Variants in MGA observed in about 807,000 individuals in gnomAD.
MGA encodes the protein MAX dimerization protein MGA.
In MGA, 40 loss-of-function variants were observed where a neutral mutation model predicts 261.1. That is an observed-to-expected ratio of 0.15 (90% confidence interval 0.12 to 0.20). The LOEUF is 0.20. Ranked by LOEUF, MGA falls within the 10% of genes least tolerant of loss-of-function variation. The pLI, the probability that MGA is intolerant of heterozygous loss-of-function variation, is 1.00. For missense variants in MGA, 3,397 were observed against 3,630.5 expected (o/e 0.94, Z 1.65); for synonymous variants, 1,302 against 1,290.6 (o/e 1.01, Z -0.19).
intron 17 of MGA, among the ~76,000 whole-genome samples, chr15:41,752,946 T>C (rs1006190905): frequency 1.3e-5 from 2 of 152,202 alleles, no homozygotes; most frequent in African/African-American, 2.4e-5. Context: ...ACTTTTTTTT[T>C]AAAGGTCATA....
rs1190995614 is a variant in MGA, at chr15:41,750,331, G to C, written c.6724G>C (p.Asp2242His). The change falls in exon 17 of 24, where the codon GAT (aspartate) becomes CAT (histidine). Residue 2242 changes from aspartate to histidine, a missense_variant. This residue lies in a region of MGA where 1,410 missense variants were observed against 1,386.4 expected (regional missense o/e 1.02). Coordinates refer to ENST00000219905, the MANE Select transcript of MGA (RefSeq NM_001164273.2). ...TGCCAGAGTTTTGAAAACTGAATGT[G>C]ATTCTTGGAGTAGGATTTCTAATCC... 1.2e-6 allele frequency: 2 copies of C among 1,614,022 alleles called. No individual in the cohort carries two copies. The highest frequency in any genetic ancestry group is 4.5e-5 in the East Asian group (2 of 44,886).
chr15:41,766,100 A>C lies in MGA; in HGVS notation c.8018A>C (p.His2673Pro), dbSNP rs1415924582. 1.2e-6 allele frequency: 2 copies of C among 1,614,030 alleles called. No individual in the cohort carries two copies. Among genetic ancestry groups the C allele is most frequent in the South Asian group, 2.2e-5 (2 of 91,082 alleles). ...GATATGGGTGGCAGCAAATATCCTC[A>C]TGAAGTTCCTGATAGCAAGCCATCT... The change falls in exon 24 of 24, where the codon CAT becomes CCT. Residue 2673 changes from histidine to proline, a missense_variant. Physicochemically the swap from His to Pro is moderately conservative, Grantham distance 77. This residue lies in a region of MGA where 647 missense variants were observed against 642.4 expected (regional missense o/e 1.01). Coordinates refer to ENST00000219905, the MANE Select transcript of MGA (RefSeq NM_001164273.2).
intron 2 of MGA, among the ~76,000 whole-genome samples, chr15:41,676,108 A>G (rs1375358048): frequency 6.6e-6 from 1 of 152,106 alleles, no homozygotes; most frequent in African/African-American, 2.4e-5. Context: ...TCTGGCACAT[A>G]TATTTTTCTC....
chr15:41,706,283 T>A, intron 5 of MGA, among the ~76,000 whole-genome samples: 1 of 149,844 alleles, frequency 6.7e-6, no homozygotes, highest in African/African-American at 2.4e-5. Flanking sequence ...ACAATAAAGA[T>A]ATGTTAAAGA....
chr15:41,626,875 A>T (rs1820009304), intron 1 of MGA, among the ~76,000 whole-genome samples: 1 of 152,052 alleles, frequency 6.6e-6, no homozygotes, highest in Admixed American at 6.6e-5. Context: ...AATTTATTTT[A>T]GTTTTTGAGA....
At chr15:41,673,120 T>C (rs1357531545) in intron 2 of MGA, among the ~76,000 whole-genome samples, 1 of 152,240 alleles carries the variant, frequency 6.6e-6, no homozygotes, top group Non-Finnish European at 1.5e-5. Context: ...CTTTCAGTTA[T>C]TCTTACTGAC....
At chr15:41,665,548 T>C (rs2057683116) in intron 1 of MGA, among the ~76,000 whole-genome samples, 1 of 151,948 alleles carries the variant, frequency 6.6e-6, no homozygotes, top group African/African-American at 2.4e-5. Flanking sequence ...TACACACCAT[T>C]GTAGAGATGG....
chr15:41,705,076 T>C (rs1197607121), intron 5 of MGA, among the ~76,000 whole-genome samples: 1 of 152,238 alleles, frequency 6.6e-6, no homozygotes, highest in Admixed American at 6.5e-5. Flanking sequence ...ATATGCTTTC[T>C]ATGAATTATT....
intron 22 of MGA, among the ~76,000 whole-genome samples, chr15:41,762,573 A>G (rs1367521079): frequency 7.1e-6 from 1 of 140,546 alleles, no homozygotes; most frequent in Non-Finnish European, 1.5e-5. Flanking sequence ...GGTTCAAGCG[A>G]TTATCTGCTT....
chr15:41,624,252 T>A (rs1035895084), intron 1 of MGA, among the ~76,000 whole-genome samples: 18 of 151,068 alleles, frequency 1.2e-4, no homozygotes, highest in South Asian at 2.1e-4. Context: ...TTTTTTTTTT[T>A]AATTTTATTT....
chr15:41,751,738 AAAAG>A (rs2062845002), intron 17 of MGA: 1 of 152,252 alleles, frequency 6.6e-6, no homozygotes, highest in African/African-American at 2.4e-5. Flanking sequence ...TTAAAAAAAA[AAAAG>A]AAGTTGTTAG....
In MGA at chr15:41,728,998, C is replaced by T. The variant is rs555033830; in HGVS notation, c.3658-166C>T. On this transcript the variant is annotated intron_variant, in intron 10 of 23. Transcript: ENST00000219905. Reference sequence around the variant, plus strand: ...GAGAACTGGATCCTTTCTGACTGCCCTAAGGTTCGGCACATATGAACTGTA... The same window carrying T: ...GAGAACTGGATCCTTTCTGACTGCCTTAAGGTTCGGCACATATGAACTGTA... Among the ~76,000 whole-genome samples the T allele has an allele frequency of 3.3e-5, 5 of 152,232 alleles. No individual in the cohort carries two copies. The South Asian group carries it at 1.0e-3, about 32-fold the overall frequency.
chr15:41,654,058 G>T (rs2057118848), intron 1 of MGA, among the ~76,000 whole-genome samples: 1 of 125,034 alleles, frequency 8.0e-6, no homozygotes, highest in African/African-American at 3.1e-5. Flanking sequence ...TCTCAACTGA[G>T]ATGTCTCTTG....
At chr15:41,730,142 C>T (rs1324713120) in intron 11 of MGA, among the ~76,000 whole-genome samples, 1 of 152,184 alleles carries the variant, frequency 6.6e-6, no homozygotes, top group Non-Finnish European at 1.5e-5. Context: ...GATCCACCCA[C>T]CTTGGCCTCC....
intron 2 of MGA, among the ~76,000 whole-genome samples, chr15:41,677,260 G>A (rs1566964333): frequency 6.6e-6 from 1 of 152,194 alleles, no homozygotes; most frequent in Non-Finnish European, 1.5e-5. Context: ...TCCCACCCTA[G>A]CCTCCAGAGT....
At chr15:41,759,768 T>C (rs1013976865) in intron 19 of MGA, among the ~76,000 whole-genome samples, 27 of 152,152 alleles carry the variant, frequency 1.8e-4, no homozygotes, top group Non-Finnish European at 2.9e-4. Flanking sequence ...TTAAATGTTA[T>C]GGGGGTTTAG....
intron 1 of MGA, among the ~76,000 whole-genome samples, chr15:41,649,668 CTTGTTTGT>C (rs200184779): frequency 5.4e-4 from 82 of 151,818 alleles, no homozygotes; most frequent in African/African-American, 1.6e-3. Flanking sequence ...TCCACACCAT[CTTGTTTGT>C]TTGTTTGTTT....
Position 41,644,346 on chromosome 15 carries a change from CAAAAAA to C in MGA, c.-68+23067_-68+23072del, listed in dbSNP as rs34743222. Among the ~76,000 whole-genome samples the C allele has an allele frequency of 9.2e-3, 602 of 65,716 alleles. 3 individuals are homozygous for C. The highest frequency in any genetic ancestry group is 0.034 in the African/African-American group (577 of 17,162). 43.1% of individuals were successfully genotyped at this position (65,716 alleles called of 152,430 possible). On this transcript the variant is annotated intron_variant, in intron 1 of 8. Coordinates refer to the MGA transcript ENST00000566718. ...CAACGTAGCAAGACTCCATCTGTACCAAAAAAAAAAAAAAAAAAAAAAAAGAAGGCC... is the reference window on the plus strand; with the variant it reads ...CAACGTAGCAAGACTCCATCTGTACCAAAAAAAAAAAAAAAAAAGAAGGCC...
At chr15:41,640,914 A>G (rs2056809072) in intron 1 of MGA, among the ~76,000 whole-genome samples, 1 of 152,210 alleles carries the variant, frequency 6.6e-6, no homozygotes, top group African/African-American at 2.4e-5. Flanking sequence ...ATTCATAGTA[A>G]TGCATCCATC....
Sources: allele counts gnomAD v4.1 joint callset (sites outside exome capture counted in the v4.1 genomes callset), GRCh38; gene constraint gnomAD v4.1.1; regional missense constraint gnomAD v4.1.1; transcripts MANE v1.5; gene names NCBI Gene and HGNC (gene_info 2026-07-23, HGNC 2026-07-21).